The following PTPRR variants were observed in gnomAD, a reference collection of about 807,000 sequenced individuals.
PTPRR encodes receptor-type tyrosine-protein phosphatase R.
PTPRR carries 38 observed loss-of-function variants against 77.2 expected under a neutral mutation model. The ratio of observed to expected loss-of-function variants is 0.49; its 90% CI spans 0.38 to 0.65. The LOEUF is 0.65. Among genes scored for constraint, PTPRR ranks in the 30% least tolerant of loss-of-function variants. PTPRR has a pLI of 0.00. For missense variants in PTPRR, 744 were observed against 799.2 expected (o/e 0.93, Z 0.83); for synonymous variants, 299 against 283.1 (o/e 1.06, Z -0.57).
intron 7 of PTPRR, among the ~76,000 whole-genome samples, chr12:70,700,475 G>A (rs1446687062): frequency 6.6e-6 from 1 of 152,054 alleles, no homozygotes; most frequent in Non-Finnish European, 1.5e-5. Flanking sequence ...TCGTTAAAGG[G>A]CACCATATGC....
At chr12:70,730,611 T>G (rs535489811) in intron 6 of PTPRR, among the ~76,000 whole-genome samples, 2 of 151,670 alleles carry the variant, frequency 1.3e-5, no homozygotes, top group Non-Finnish European at 2.9e-5. Context: ...GACAAGAGGA[T>G]CACTTGAGAC....
chr12:70,694,929 T>A (rs1351933949), intron 8 of PTPRR, among the ~76,000 whole-genome samples: 1 of 152,216 alleles, frequency 6.6e-6, no homozygotes, highest in Non-Finnish European at 1.5e-5. Context: ...TCTATTGATG[T>A]ATGATTGTTT....
intron 2 of PTPRR, among the ~76,000 whole-genome samples, chr12:70,797,911 T>C (rs1481801701): frequency 1.3e-5 from 2 of 152,204 alleles, no homozygotes; most frequent in Non-Finnish European, 2.9e-5. Context: ...ACTCTTTCCC[T>C]AGGAAATTTT....
chr12:70,854,373 C>T (rs1021516581), intron 2 of PTPRR, among the ~76,000 whole-genome samples: 3 of 152,328 alleles, frequency 2.0e-5, no homozygotes, highest in Admixed American at 2.0e-4. Flanking sequence ...AGACACACTG[C>T]ATTCAGTCGA....
chr12:70,827,878 A>C (rs1387263499), intron 2 of PTPRR, among the ~76,000 whole-genome samples: 1 of 151,282 alleles, frequency 6.6e-6, no homozygotes, highest in African/African-American at 2.4e-5. Flanking sequence ...CCACCACTAC[A>C]CCCAGCTAAT....
rs761650601 is a variant in PTPRR, at chr12:70,902,651, C to T, written c.59-9674G>A. Among the ~76,000 whole-genome samples, 4 of 151,794 alleles carry T rather than the reference C, an allele frequency of 2.6e-5. No homozygotes were observed. The East Asian group carries it at 7.8e-4, about 29-fold the overall frequency. Reference sequence around the variant, plus strand: ...ACTTCAGGAATGGAAAACCAAACATCGTATGTTCTCACTGATATGTGGGAG... The same window carrying T: ...ACTTCAGGAATGGAAAACCAAACATTGTATGTTCTCACTGATATGTGGGAG... On this transcript the variant is annotated intron_variant, in intron 1 of 13. Transcript: ENST00000283228.
chr12:70,818,969 C>T lies in PTPRR; in HGVS notation c.358-54191G>A, dbSNP rs565265799. On this transcript the variant is annotated intron_variant, in intron 2 of 13. Coordinates refer to ENST00000283228, the MANE Select transcript of PTPRR (RefSeq NM_002849.4). ...ATGTACACAAATGAAGAAGCATGAA[C>T]CCTGTCTACAAGGAGGTCACAATCT... is the stretch of plus-strand genomic sequence containing the variant. 3.9e-5 allele frequency among the ~76,000 whole-genome samples: 6 copies of T among 152,166 alleles called. 1 individual carries two copies. The South Asian group carries it at 1.0e-3, about 26-fold the overall frequency.
Position 70,810,100 on chromosome 12 carries a change from C to T in PTPRR, c.358-45322G>A, listed in dbSNP as rs183991981. Among the ~76,000 whole-genome samples, 431 of 152,296 alleles carry T rather than the reference C, an allele frequency of 2.8e-3. 2 individuals are homozygous for T. Among genetic ancestry groups the T allele is most frequent in the African/African-American group, 7.9e-3 (330 of 41,560 alleles). The stretch of plus-strand genomic sequence containing the variant: ...TTTCTAGTGACGTCATCATGTTTCA[C>T]TATTTATCACTCCTCATTTGGACTA... On this transcript the variant is annotated intron_variant, in intron 2 of 13. Coordinates refer to ENST00000283228, the MANE Select transcript of PTPRR (RefSeq NM_002849.4).
chr12:70,759,679 T>TAAAA (rs34011060), intron 4 of PTPRR, among the ~76,000 whole-genome samples: 23 of 34,420 alleles, frequency 6.7e-4, no homozygotes, highest in East Asian at 1.2e-3. Context: ...GACTCCGTCT[T>TAAAA]AAAAAAAAAA....
chr12:70,786,488 G>T (rs1157959646), intron 2 of PTPRR, among the ~76,000 whole-genome samples: 1 of 152,144 alleles, frequency 6.6e-6, no homozygotes, highest in Non-Finnish European at 1.5e-5. Flanking sequence ...GAAATAAGGA[G>T]ATGGGTACCT....
intron 6 of PTPRR, among the ~76,000 whole-genome samples, chr12:70,706,841 A>T (rs142753466): frequency 6.6e-6 from 1 of 152,248 alleles, no homozygotes; most frequent in East Asian, 1.9e-4. Context: ...TAATCTGCAA[A>T]TGGGAATAAT....
rs139502029 is a variant in PTPRR, at chr12:70,721,340, A to G, written c.1008-20017T>C. ...GGTAATTTATCTATCCTGGCAGAGC[A>G]TTTCATGAGGGGCACCGCTATTGTG... is the stretch of plus-strand genomic sequence containing the variant. On this transcript the variant is annotated intron_variant, in intron 6 of 13. Transcript: ENST00000283228. 6.4e-4 allele frequency among the ~76,000 whole-genome samples: 98 copies of G among 152,276 alleles called. 3 individuals are homozygous for G. The East Asian group carries it at 0.017, about 26-fold the overall frequency.
intron 13 of PTPRR, among the ~76,000 whole-genome samples, chr12:70,643,795 G>A (rs1886097639): frequency 6.6e-6 from 1 of 151,462 alleles, no homozygotes; most frequent in Non-Finnish European, 1.5e-5. Flanking sequence ...TTCTTTTTGG[G>A]GCAGGGTCTC....
intron 4 of PTPRR, 59 bp downstream of exon 4, chr12:70,761,412 T>C: frequency 7.1e-7 from 1 of 1,408,926 alleles, no homozygotes. Flanking sequence ...TGGGGTTGAA[T>C]TACCATAGCA....
At chr12:70,693,270 A>G (rs950908059) in intron 8 of PTPRR, among the ~76,000 whole-genome samples, 18 of 152,192 alleles carry the variant, frequency 1.2e-4, no homozygotes, top group Admixed American at 3.3e-4. Flanking sequence ...CCAAGTATTT[A>G]GAAGTTTCCA....
chr12:70,883,155 G>A (rs1893177657), intron 2 of PTPRR, among the ~76,000 whole-genome samples: 1 of 152,110 alleles, frequency 6.6e-6, no homozygotes, highest in Non-Finnish European at 1.5e-5. Flanking sequence ...CAGCTACGGG[G>A]GAGGCTGAGG....
At chr12:70,672,354 A>G in intron 10 of PTPRR, 1 of 1,430,558 alleles carries the variant, frequency 7.0e-7, no homozygotes, top group Non-Finnish European at 9.8e-7. Flanking sequence ...CCCTATGATG[A>G]GATGGTCCTC....
chr12:70,682,323 G>A (rs909185473), intron 10 of PTPRR, among the ~76,000 whole-genome samples: 15 of 152,030 alleles, frequency 9.9e-5, no homozygotes, highest in Admixed American at 4.6e-4. Flanking sequence ...GATTACAGGC[G>A]TGAGCCACCG....
At chr12:70,755,788 C>T (rs1890548112) in intron 4 of PTPRR, among the ~76,000 whole-genome samples, 2 of 151,972 alleles carry the variant, frequency 1.3e-5, no homozygotes, top group South Asian at 4.1e-4. Flanking sequence ...AAACCAAGTA[C>T]CCTGCTGCAA....
Sources: allele counts gnomAD v4.1 joint callset (sites outside exome capture counted in the v4.1 genomes callset), GRCh38; gene constraint gnomAD v4.1.1; transcripts MANE v1.5; gene names NCBI Gene and HGNC (gene_info 2026-07-23, HGNC 2026-07-21).